Variants in DMTN observed in about 807,000 individuals in gnomAD.
DMTN encodes dematin actin binding protein, also known as dematin.
DMTN carries 27 observed loss-of-function variants against 59.4 expected under a neutral mutation model. The observed-to-expected ratio is 0.45, with a 90% CI of 0.33 to 0.63. The LOEUF (loss-of-function observed/expected upper bound fraction) is 0.63. Among genes scored for constraint, DMTN ranks in the 20% least tolerant of loss-of-function variants. DMTN has a pLI of 0.02. For synonymous variants in DMTN, 221 were observed against 203.7 expected (o/e 1.08, Z -0.72); for missense variants, 451 against 528.9 (o/e 0.85, Z 1.45).
Position 22,069,936 on chromosome 8 carries a change from A to T in DMTN, c.450A>T (p.Arg150Ser). Residue 150 changes from arginine to serine, a missense_variant and splice_region_variant, in exon 7 of 16, where the codon AGA becomes AGT. Physicochemically the swap from Arg to Ser is moderately radical, Grantham distance 110. Transcript: ENST00000358242. ...IYKKPPIYKQ[R>S]ESVGGSPQTK... Reference sequence around the variant, plus strand: ...AGAAGCCTCCCATCTATAAGCAGAGAGGTGAGGGCGCCCCTGGCTCACCAG... The same window carrying T: ...AGAAGCCTCCCATCTATAAGCAGAGTGGTGAGGGCGCCCCTGGCTCACCAG... The T allele has an allele frequency of 6.2e-7, 1 of 1,614,018 alleles. No homozygotes were observed. The highest frequency in any genetic ancestry group is 8.5e-7 in the Non-Finnish European group (1 of 1,179,984).
rs144297390 is a variant in DMTN, at chr8:22,080,999, A to G, written c.1024-114A>G. On this transcript the variant is annotated intron_variant, in intron 14 of 15. Coordinates refer to ENST00000358242, the MANE Select transcript of DMTN (RefSeq NM_001387751.1). ...GGATGGCAGGGAAGTTGGGGGAGACAGAGGGCAAGATGGCATGAACCCCAG... is the reference window on the plus strand; with the variant it reads ...GGATGGCAGGGAAGTTGGGGGAGACGGAGGGCAAGATGGCATGAACCCCAG... 3.4e-6 allele frequency: 5 copies of G among 1,476,796 alleles called. No individual in the cohort carries two copies. The East Asian group carries it at 1.1e-4, about 34-fold the overall frequency. The allele number at this position is 1,476,796 out of a possible 1,614,324, so 91.5% of individuals were successfully genotyped here. A position where few individuals can be genotyped will look rare whatever the true frequency, so the allele number is the denominator to read the frequency against.
At chr8:22,076,303 G>A (rs558473166) in intron 10 of DMTN, among the ~76,000 whole-genome samples, 3 of 150,388 alleles carry the variant, frequency 2.0e-5, no homozygotes, top group Admixed American at 6.7e-5. Context: ...AGGAGGGAAG[G>A]GTGCCTAGGG....
Position 22,067,598 on chromosome 8 carries a change from C to T in DMTN, c.165C>T (p.Asp55=). ...TCCCCAAGGACAAGGCCATCCTGGA[C>T]ATCGAGCGGCCCGACCTCATGATCT... ...AAIPKDKAIL[D]IERPDLMIYE... The change falls in exon 4 of 16, where the codon GAC becomes GAT. Residue 55 remains aspartate (D), a synonymous_variant. Coordinates refer to ENST00000358242, the MANE Select transcript of DMTN (RefSeq NM_001387751.1). The T allele has an allele frequency of 1.2e-6, 2 of 1,614,240 alleles. No homozygotes were observed. The highest frequency in any genetic ancestry group is 2.2e-5 in the East Asian group (1 of 44,880).
chr8:22,069,147 G>A (rs1716523325), intron 5 of DMTN, 87 bp downstream of exon 5: 1 of 1,485,450 alleles, frequency 6.7e-7, no homozygotes, highest in Non-Finnish European at 9.2e-7. Flanking sequence ...ACCAAGCTCT[G>A]CAGAGCCCAG....
At chr8:22,056,542 C>G (rs1011910307), upstream of DMTN, among the ~76,000 whole-genome samples, 6 of 141,560 alleles carry the variant, frequency 4.2e-5, no homozygotes, top group East Asian at 1.9e-4. Flanking sequence ...TAGGAGGAGG[C>G]TGAGGGGCTC....
Position 22,080,863 on chromosome 8 carries a change from A to C in DMTN, c.1016A>C (p.Glu339Ala). 1 of 1,574,792 alleles carries C rather than the reference A, an allele frequency of 6.4e-7. No homozygotes were observed. Among genetic ancestry groups the C allele is most frequent in the Non-Finnish European group, 8.6e-7 (1 of 1,157,852 alleles). Residue 339 changes from glutamate (E) to alanine (A), a missense_variant, in exon 14 of 16, where the codon GAG becomes GCG. Transcript: ENST00000358242. ...DRGNSLPCVL[E>A]QKIYPYEMLV... is the part of the protein sequence containing the mutation. ...GGGAACTCCCTGCCCTGTGTGCTGG[A>C]GCAGAAGGTGAGGGGCAGGGGACAC...
chr8:22,054,103 T>TACACACAC (rs71916677), upstream of DMTN, among the ~76,000 whole-genome samples: 6,060 of 148,402 alleles, frequency 0.041, 136 homozygotes, highest in Non-Finnish European at 0.052. Context: ...CCACCACCAA[T>TACACACAC]ACACACACAC....
chr8:22,070,028 G>A (rs1814060882), intron 7 of DMTN, 91 bp downstream of exon 7: 1 of 1,579,024 alleles, frequency 6.3e-7, no homozygotes, highest in Non-Finnish European at 8.7e-7. Flanking sequence ...AGGGGGTCGG[G>A]AGGATAGCAT....
intron 8 of DMTN, among the ~76,000 whole-genome samples, chr8:22,070,863 C>G (rs1302893928): frequency 6.6e-6 from 1 of 152,136 alleles, no homozygotes; most frequent in Non-Finnish European, 1.5e-5. Context: ...TCATCCCACT[C>G]TCTACATCCA....
upstream of DMTN, chr8:22,055,644 A>G (rs1047830364): frequency 2.3e-5 from 3 of 131,968 alleles, no homozygotes; most frequent in African/African-American, 8.9e-5. Flanking sequence ...GGTTTTCTCT[A>G]CCTTCACAGC....
In DMTN at chr8:22,072,409, A is replaced by C; in HGVS notation, c.688A>C (p.Met230Leu). 6.3e-7 allele frequency: 1 copy of C among 1,593,948 alleles called. No individual in the cohort carries two copies. The highest frequency in any genetic ancestry group is 1.3e-5 in the African/African-American group (1 of 74,496). ...EEEDDDSGEE[M>L]KALRERQREE... ...GGAAGATGACGACTCTGGAGAGGAG[A>C]TGAAGGCTCTCAGGGAGCGTCAGAG... Residue 230 changes from methionine to leucine, a missense_variant, in exon 9 of 16, where the codon ATG (methionine) becomes CTG (leucine). Physicochemically the swap from Met to Leu is conservative, Grantham distance 15. Transcript: ENST00000358242.
At chr8:22,078,229 G>T (rs1821166882) in intron 10 of DMTN, among the ~76,000 whole-genome samples, 1 of 152,020 alleles carries the variant, frequency 6.6e-6, no homozygotes, top group Non-Finnish European at 1.5e-5. Flanking sequence ...GCTGGGCATG[G>T]TGGCGCGTGC....
At position 22,066,846 on chromosome 8, in the gene DMTN, G is replaced by C. The variant is rs1362421367; in HGVS notation, c.-30G>C. On this transcript the variant is annotated 5_prime_UTR_variant, in exon 2 of 16. Transcript: ENST00000358242. The stretch of plus-strand genomic sequence containing the variant: ...TCTCCCCTCGCGCACAGGGCTCTGC[G>C]AGTGACCCGGCGGGCGAGCTCCGTG... 1 of 1,415,740 alleles carries C rather than the reference G, an allele frequency of 7.1e-7. No individual in the cohort carries two copies. The highest frequency in any genetic ancestry group is 2.7e-5 in the Admixed American group (1 of 37,510). The allele number at this position is 1,415,740 out of a possible 1,614,324, so 87.7% of individuals were successfully genotyped here. A position where few individuals can be genotyped will look rare whatever the true frequency, so the allele number is the denominator to read the frequency against.
chr8:22,075,835 A>G (rs1000016377), intron 10 of DMTN, among the ~76,000 whole-genome samples: 1 of 152,138 alleles, frequency 6.6e-6, no homozygotes, highest in Non-Finnish European at 1.5e-5. Context: ...CCACTTCTTG[A>G]TGACAGGTAC....
At chr8:22,064,910 G>A (rs1040132392) in intron 1 of DMTN, among the ~76,000 whole-genome samples, 1 of 152,138 alleles carries the variant, frequency 6.6e-6, no homozygotes, top group Non-Finnish European at 1.5e-5. Context: ...TCAGCTCCAC[G>A]ACTCTGGACA....
In DMTN at chr8:22,060,765, G is replaced by A. The variant is rs1046578228; in HGVS notation, c.-172+3629G>A. Among the ~76,000 whole-genome samples, 3 of 152,266 alleles carry A rather than the reference G, an allele frequency of 2.0e-5. No individual in the cohort carries two copies. The highest frequency in any genetic ancestry group is 7.2e-5 in the African/African-American group (3 of 41,478). On this transcript the variant is annotated intron_variant, in intron 1 of 15. Coordinates refer to ENST00000358242, the MANE Select transcript of DMTN (RefSeq NM_001387751.1). This position sits in a 1 kb window ranked among gnomAD's most constrained non-coding sequence, Gnocchi z 5.0. ...GGAAGGGACTGGAGACAGAGCAGAG[G>A]TGAGAGGCCAGAGGCTTAGTGACTC... is the stretch of plus-strand genomic sequence containing the variant.
At chr8:22,075,935 G>T (rs1413455715) in intron 10 of DMTN, among the ~76,000 whole-genome samples, 1 of 152,172 alleles carries the variant, frequency 6.6e-6, no homozygotes, top group Non-Finnish European at 1.5e-5. Flanking sequence ...CCAATAGACT[G>T]GATAAGGGCT....
chr8:22,070,112 G>T, intron 7 of DMTN, 70 bp from the exon 8 acceptor site: 1 of 1,554,750 alleles, frequency 6.4e-7, no homozygotes, highest in Non-Finnish European at 8.7e-7. Flanking sequence ...GGTGTGAGGG[G>T]GGAGGGGTGA....
At chr8:22,052,038 C>T (rs554810903), upstream of DMTN, among the ~76,000 whole-genome samples, 63 of 152,286 alleles carry the variant, frequency 4.1e-4, no homozygotes, top group African/African-American at 1.5e-3. Flanking sequence ...GAAGGGTCCC[C>T]GCCACCTGGC....
Sources: gnomAD v4.1 joint callset for allele counts (sites outside exome capture counted in the v4.1 genomes callset) on GRCh38, gnomAD v4.1.1 for gene constraint, Gnocchi (gnomAD v3.1) non-coding constraint, MANE v1.5 for transcripts, NCBI Gene and HGNC (gene_info 2026-07-23, HGNC 2026-07-21) for gene names.